Variants in GLI2 observed in about 807,000 individuals in gnomAD.
GLI2 encodes transcription activator GLI2.
GLI2 carries 22 observed loss-of-function variants against 78.9 expected under a neutral mutation model. That is an observed-to-expected ratio of 0.28 (90% CI 0.20 to 0.40). The LOEUF (loss-of-function observed/expected upper bound fraction) is 0.40, where lower values mean the gene tolerates loss of function less well. GLI2 is among the 10% of genes least tolerant of loss of function. The pLI, the probability that GLI2 is intolerant of heterozygous loss-of-function variation, is 1.00. For missense variants in GLI2, 2,097 were observed against 2,213.2 expected (o/e 0.95, Z 1.05); for synonymous variants, 974 against 963.7 (o/e 1.01, Z -0.20).
At chr2:120,923,734 C>G (rs1277163641) in intron 2 of GLI2, among the ~76,000 whole-genome samples, 1 of 152,082 alleles carries the variant, frequency 6.6e-6, no homozygotes, top group Non-Finnish European at 1.5e-5. Context: ...ACACGACACA[C>G]TACACACATA....
chr2:120,984,838 C>T, intron 12 of GLI2, 95 bp downstream of exon 12: 1 of 1,304,800 alleles, frequency 7.7e-7, no homozygotes, highest in South Asian at 1.2e-5. Context: ...CCCTAAGGCC[C>T]CCCTCTAGGG....
intron 10 of GLI2, among the ~76,000 whole-genome samples, chr2:120,981,985 T>A (rs1265242475): frequency 1.3e-5 from 2 of 152,138 alleles, no homozygotes; most frequent in Non-Finnish European, 2.9e-5. Context: ...ATGATTAAGA[T>A]CATTATAAAT....
chr2:120,892,263 T>C (rs1180151390), intron 2 of GLI2, among the ~76,000 whole-genome samples: 1 of 152,238 alleles, frequency 6.6e-6, no homozygotes, highest in Non-Finnish European at 1.5e-5. Context: ...GAGAGGTTTC[T>C]GCAGGTGGTG....
Position 120,877,223 on chromosome 2 carries a change from T to C in GLI2, c.149-50138T>C, listed in dbSNP as rs1418136679. On this transcript the variant is annotated intron_variant, in intron 2 of 13. Coordinates refer to ENST00000361492, the MANE Select transcript of GLI2 (RefSeq NM_001374353.1). Reference sequence around the variant, plus strand: ...GCTTGCCTATCACACCACATCAGTCTGAACTCCCTGAGATCAGACTGTGGA... The same window carrying C: ...GCTTGCCTATCACACCACATCAGTCCGAACTCCCTGAGATCAGACTGTGGA... Among the ~76,000 whole-genome samples the C allele has an allele frequency of 7.2e-5, 11 of 152,310 alleles. No individual in the cohort carries two copies. In the East Asian group the frequency reaches 2.1e-3, roughly 29 times the overall value.
At chr2:120,851,504 C>G (rs1022677213) in intron 2 of GLI2, among the ~76,000 whole-genome samples, 1 of 152,246 alleles carries the variant, frequency 6.6e-6, no homozygotes, top group African/African-American at 2.4e-5. Flanking sequence ...AAGGCTTTGT[C>G]AAGGCTGCTG....
intron 2 of GLI2, among the ~76,000 whole-genome samples, chr2:120,810,177 G>A (rs571043305): frequency 6.6e-6 from 1 of 152,346 alleles, no homozygotes; most frequent in East Asian, 1.9e-4. Flanking sequence ...TGGCTTCAGG[G>A]GCCATTTGGT....
At chr2:120,940,873 C>T (rs1680416907) in intron 3 of GLI2, among the ~76,000 whole-genome samples, 1 of 152,254 alleles carries the variant, frequency 6.6e-6, no homozygotes, top group Non-Finnish European at 1.5e-5. Context: ...CACCTGCCCC[C>T]TCACTACCTG....
chr2:120,776,503 G>A (rs940788497), intron 1 of GLI2, among the ~76,000 whole-genome samples: 2 of 152,118 alleles, frequency 1.3e-5, no homozygotes, highest in African/African-American at 2.4e-5. Flanking sequence ...CCTCTGCCTC[G>A]AGCCCTTTCC....
At position 120,991,066 on chromosome 2, in the gene GLI2, T is replaced by C. The variant is rs1326542226; in HGVS notation, c.*391T>C. On this transcript the variant is annotated 3_prime_UTR_variant, in exon 14 of 14. Coordinates refer to ENST00000361492, the MANE Select transcript of GLI2 (RefSeq NM_001374353.1). ...ATGGTAGGGAGCATTTGGGTTTGAATCTGAATGCTATACTGGATACTCTGC... is the reference window on the plus strand; with the variant it reads ...ATGGTAGGGAGCATTTGGGTTTGAACCTGAATGCTATACTGGATACTCTGC... 1 of 205,652 alleles carries C rather than the reference T, an allele frequency of 4.9e-6. No homozygotes were observed. The highest frequency in any genetic ancestry group is 9.9e-6 in the Non-Finnish European group (1 of 100,844). The allele number at this position is 205,652 out of a possible 1,614,324, so 12.7% of individuals were successfully genotyped here.
chr2:120,840,870 C>T (rs1686835954), intron 2 of GLI2, among the ~76,000 whole-genome samples: 3 of 152,116 alleles, frequency 2.0e-5, no homozygotes, highest in Admixed American at 6.5e-5. Flanking sequence ...ACTGCATGGT[C>T]GCTAAAAAGA....
At chr2:120,903,890 G>C (rs1353442404) in intron 2 of GLI2, among the ~76,000 whole-genome samples, 2 of 152,184 alleles carry the variant, frequency 1.3e-5, no homozygotes, top group Non-Finnish European at 2.9e-5. Context: ...GAAGCGGGCG[G>C]GTGACTGTGG....
chr2:120,737,392 A>ACC lies in GLI2; in HGVS notation c.-31+1107_-31+1108insCC. 6.6e-6 allele frequency among the ~76,000 whole-genome samples: 1 copy of ACC among 152,102 alleles called. No homozygotes were observed. Among genetic ancestry groups the ACC allele is most frequent in the Admixed American group, 6.5e-5 (1 of 15,282 alleles). On this transcript the variant is annotated intron_variant, in intron 1 of 13. Transcript: ENST00000361492. The surrounding 1 kb of genome is among the most constrained non-coding windows in gnomAD (Gnocchi z 4.3). Reference sequence around the variant, plus strand: ...CCTCACCCTGGGTGATCGGTCGCTGAGGCTCTCGGGGACCTCGAGCCCCCC... The same window carrying ACC: ...CCTCACCCTGGGTGATCGGTCGCTGACCGGCTCTCGGGGACCTCGAGCCCCCC...
In GLI2 at chr2:120,780,679, C is replaced by T. The variant is rs150714306; in HGVS notation, c.-30-16612C>T. 1.8e-3 allele frequency among the ~76,000 whole-genome samples: 277 copies of T among 152,350 alleles called. 3 individuals are homozygous for T. The highest frequency in any genetic ancestry group is 6.5e-3 in the African/African-American group (271 of 41,576). On this transcript the variant is annotated intron_variant, in intron 1 of 13. Coordinates refer to ENST00000361492, the MANE Select transcript of GLI2 (RefSeq NM_001374353.1). ...ACACTACAGACACAGCAGCTGCAGC[C>T]TGGAGACGTTAAGCCTGCCACCCGG... is the stretch of plus-strand genomic sequence containing the variant.
In GLI2 at chr2:120,887,392, A is replaced by G. The variant is rs189377702; in HGVS notation, c.149-39969A>G. On this transcript the variant is annotated intron_variant, in intron 2 of 13. Coordinates refer to ENST00000361492, the MANE Select transcript of GLI2 (RefSeq NM_001374353.1). ...TGGAGCCTGTGATTATCACCCTCTC[A>G]CCGTGCTCTTTTCCTTGCTGGGCTG... 2.6e-5 allele frequency among the ~76,000 whole-genome samples: 4 copies of G among 152,258 alleles called. No individual in the cohort carries two copies. In the East Asian group the frequency reaches 7.7e-4, roughly 29 times the overall value.
intron 5 of GLI2, among the ~76,000 whole-genome samples, chr2:120,961,852 A>G (rs192373556): frequency 6.6e-6 from 1 of 152,124 alleles, no homozygotes; most frequent in East Asian, 1.9e-4. Flanking sequence ...GAAATGGAAA[A>G]CCTAATCCCT....
intron 1 of GLI2, among the ~76,000 whole-genome samples, chr2:120,766,908 T>A (rs1452963248): frequency 2.6e-5 from 4 of 152,180 alleles, no homozygotes; most frequent in African/African-American, 9.7e-5. Flanking sequence ...TTCCCAGGTC[T>A]GCAGTGTCAC....
chr2:120,921,141 G>A (rs533030938), intron 2 of GLI2, among the ~76,000 whole-genome samples: 2 of 152,276 alleles, frequency 1.3e-5, no homozygotes, highest in South Asian at 4.1e-4. Context: ...CGGGGGCTGT[G>A]GGACAATCCG....
chr2:120,960,111 C>T (rs1681473438), intron 5 of GLI2, among the ~76,000 whole-genome samples: 1 of 152,200 alleles, frequency 6.6e-6, no homozygotes, highest in South Asian at 2.1e-4. Flanking sequence ...CTTCTATTTA[C>T]CAGGCTCGGT....
intron 2 of GLI2, 75 bp downstream of exon 2, chr2:120,797,543 T>C: frequency 7.0e-7 from 1 of 1,423,112 alleles, no homozygotes; most frequent in East Asian, 2.3e-5. Context: ...ATTAGAGTGG[T>C]GGCCCATGTC....
Sources: allele counts gnomAD v4.1 joint callset (sites outside exome capture counted in the v4.1 genomes callset), GRCh38; gene constraint gnomAD v4.1.1; non-coding constraint Gnocchi (gnomAD v3.1); transcripts MANE v1.5; gene names NCBI Gene and HGNC (gene_info 2026-07-23, HGNC 2026-07-21).